The following NIN variants were observed in gnomAD, a reference collection of about 807,000 sequenced individuals.
The protein encoded by NIN is glycogen synthase kinase 3 beta-interacting protein.
In NIN, 137 loss-of-function variants were observed where a neutral mutation model predicts 257.6. The ratio of observed to expected loss-of-function variants is 0.53; its 90% CI spans 0.46 to 0.61. NIN has a LOEUF of 0.61. Ranked by LOEUF, NIN falls within the 20% of genes least tolerant of loss-of-function variation. NIN has a pLI of 0.00. For missense variants in NIN, 2,439 were observed against 2,501.2 expected (o/e 0.98, Z 0.53); for synonymous variants, 918 against 919.8 (o/e 1.00, Z 0.04).
intron 3 of NIN, among the ~76,000 whole-genome samples, chr14:50,814,263 C>A (rs923487364): frequency 7.9e-5 from 12 of 152,178 alleles, no homozygotes; most frequent in Admixed American, 7.9e-4. Context: ...CAAATCACCA[C>A]CACGCAAGAG....
chr14:50,803,664 G>C (rs544426204), intron 4 of NIN, among the ~76,000 whole-genome samples: 2 of 152,132 alleles, frequency 1.3e-5, no homozygotes, highest in African/African-American at 4.8e-5. Context: ...ATTAAGCTAC[G>C]TCCCTCTTTG....
intron 28 of NIN, among the ~76,000 whole-genome samples, chr14:50,730,317 G>A (rs1191092756): frequency 1.3e-5 from 2 of 152,134 alleles, no homozygotes; most frequent in East Asian, 3.8e-4. Flanking sequence ...TCTGGGAACT[G>A]GAGAACATGG....
At position 50,761,850 on chromosome 14, in the gene NIN, T is replaced by C; in HGVS notation, c.1836A>G (p.Glu612=). 1 of 1,614,178 alleles carries C rather than the reference T, an allele frequency of 6.2e-7. No individual in the cohort carries two copies. Among genetic ancestry groups the C allele is most frequent in the South Asian group, 1.1e-5 (1 of 91,082 alleles). The change falls in exon 16 of 31, where the codon GAA becomes GAG. Residue 612 remains glutamate (E), a synonymous_variant. Transcript: ENST00000530997. ...NMSIEAELVI[E]QMKEQHHRDI... ...CCCTGTGATGTTGTTCTTTCATCTGTTCAATGACCAGCTCTGCCTCAATGC... is the reference window on the plus strand; with the variant it reads ...CCCTGTGATGTTGTTCTTTCATCTGCTCAATGACCAGCTCTGCCTCAATGC...
chr14:50,783,539 A>G (rs1312932493), intron 5 of NIN, among the ~76,000 whole-genome samples: 1 of 151,676 alleles, frequency 6.6e-6, no homozygotes, highest in African/African-American at 2.4e-5. Context: ...CCACACAGAT[A>G]GGAGGTATTC....
chr14:50,823,969 A>G (rs1206069112), intron 2 of NIN, among the ~76,000 whole-genome samples: 1 of 152,234 alleles, frequency 6.6e-6, no homozygotes, highest in Non-Finnish European at 1.5e-5. Flanking sequence ...CTTAGAGTCC[A>G]CCAGTTAATT....
At position 50,719,854 on chromosome 14, in the gene NIN, C is replaced by T. The variant is rs1000442806; in HGVS notation, c.*3609G>A. 1.5e-5 allele frequency: 3 copies of T among 202,302 alleles called. No homozygotes were observed. Among genetic ancestry groups the T allele is most frequent in the African/African-American group, 6.9e-5 (3 of 43,624 alleles). The allele number at this position is 202,302 out of a possible 1,614,324, so 12.5% of individuals were successfully genotyped here. On this transcript the variant is annotated 3_prime_UTR_variant, in exon 31 of 31. Transcript: ENST00000530997. ...ATTATTTATTTACATCTTAAGCTCACATTAAAATCTTTCTAGGATAGAATG... is the reference window on the plus strand; with the variant it reads ...ATTATTTATTTACATCTTAAGCTCATATTAAAATCTTTCTAGGATAGAATG...
rs774024981 is a variant in NIN, at chr14:50,761,805, C to T, written c.1881G>A (p.Leu627=). ...AAGGACTTACTTTATCTTCGAGCTC[C>T]AGTCTGAGGCAACATATGTCCCTGT... ...QHHRDICCLR[L]ELEDKVRHYE... The change falls in exon 16 of 31, where the codon CTG becomes CTA. Residue 627 remains leucine (L), a synonymous_variant. Transcript: ENST00000530997. The T allele has an allele frequency of 1.2e-6, 2 of 1,614,148 alleles. No homozygotes were observed. Among genetic ancestry groups the T allele is most frequent in the Non-Finnish European group, 1.7e-6 (2 of 1,180,028 alleles).
intron 28 of NIN, chr14:50,730,900 T>A (rs887429416): frequency 2.3e-5 from 31 of 1,336,780 alleles, no homozygotes; most frequent in Non-Finnish European, 3.0e-5. Context: ...GCTATGAAAG[T>A]TCATTGAAAG....
At position 50,752,568 on chromosome 14, in the gene NIN, C is replaced by T. The variant is rs1283236797; in HGVS notation, c.4900G>A (p.Glu1634Lys). 1.9e-6 allele frequency: 3 copies of T among 1,613,932 alleles called. No individual in the cohort carries two copies. The African/African-American group carries it at 4.0e-5, about 22-fold the overall frequency. Residue 1634 changes from glutamate (E) to lysine (K), a missense_variant, in exon 21 of 31, where the codon GAA (glutamate) becomes AAA (lysine). Glu to Lys is a moderately conservative substitution (Grantham distance 56, BLOSUM62 1). Around this residue, in one of 3 missense-constraint regions of NIN, gnomAD observed 2,043 missense variants for 2,050.2 expected, o/e 1.00. Transcript: ENST00000530997. ...EPGNSALEEREQEKFNLKEEL... is the reference protein window; with the variant it reads ...EPGNSALEERKQEKFNLKEEL... ...TCTTTCAGATTAAACTTCTCTTGTT[C>T]CCGTTCCTCCAATGCACTGTTTCCT...
Position 50,757,650 on chromosome 14 carries a change from A to C in NIN, c.3380T>G (p.Leu1127Ter), listed in dbSNP as rs762081143. The C allele has an allele frequency of 6.2e-7, 1 of 1,614,178 alleles. No homozygotes were observed. Among genetic ancestry groups the C allele is most frequent in the South Asian group, 1.1e-5 (1 of 91,078 alleles). The change falls in exon 18 of 31, where the codon TTA becomes TGA. Residue 1127 changes from leucine to a stop codon, truncating the protein, a stop_gained. Coordinates refer to ENST00000530997, the MANE Select transcript of NIN (RefSeq NM_020921.4). LOFTEE classifies it high-confidence loss of function. Reference sequence around the variant, plus strand: ...TACTTGCTTCGTTCGGTTTTGCTGTAAAAACTGCTCTGTTTGTTCCGCAGT... The same window carrying C: ...TACTTGCTTCGTTCGGTTTTGCTGTCAAAACTGCTCTGTTTGTTCCGCAGT... ...GNTAEQTEQF[L>*]QQNRTKQVEG...
At chr14:50,790,562 G>A (rs1433480106) in intron 5 of NIN, among the ~76,000 whole-genome samples, 1 of 152,166 alleles carries the variant, frequency 6.6e-6, no homozygotes. Flanking sequence ...TAGCGAAGTT[G>A]AGTCAGTTGG....
intron 28 of NIN, among the ~76,000 whole-genome samples, chr14:50,730,057 CT>C (rs1380698263): frequency 2.5e-4 from 12 of 48,326 alleles, no homozygotes; most frequent in African/African-American, 2.3e-3. Flanking sequence ...TACCTCCCCC[CT>C]TTTAAAAACG....
At chr14:50,775,286 T>C (rs879807665) in intron 7 of NIN, among the ~76,000 whole-genome samples, 1 of 152,176 alleles carries the variant, frequency 6.6e-6, no homozygotes, top group Admixed American at 6.5e-5. Context: ...AGATTCGGCA[T>C]CGGGCATGCT....
chr14:50,808,570 G>C (rs951769445), intron 3 of NIN, among the ~76,000 whole-genome samples: 4 of 152,186 alleles, frequency 2.6e-5, no homozygotes, highest in Admixed American at 6.5e-5. Flanking sequence ...TGGAAAACTG[G>C]GGACATCTAA....
chr14:50,766,280 C>T (rs752155426), intron 14 of NIN, 27 bp downstream of exon 14: 1 of 1,583,608 alleles, frequency 6.3e-7, no homozygotes, highest in South Asian at 1.1e-5. Context: ...CACTCCTGCA[C>T]TTACTCAGTT....
rs546190570 is a variant in NIN at position 50,748,364 on chromosome 14, G to A, written c.4951-259C>T. Among the ~76,000 whole-genome samples, 412 of 152,238 alleles carry A rather than the reference G, an allele frequency of 2.7e-3. 3 individuals are homozygous for A. The highest frequency in any genetic ancestry group is 4.3e-3 in the Non-Finnish European group (293 of 68,004). ...GCTATTTATGACAAACCCACAGCCA[G>A]TATCATAATGGGCAAAAGCTGGAAG... On this transcript the variant is annotated intron_variant, in intron 21 of 30. Transcript: ENST00000530997.
At chr14:50,780,127 A>C (rs962991844) in intron 5 of NIN, among the ~76,000 whole-genome samples, 1 of 152,216 alleles carries the variant, frequency 6.6e-6, no homozygotes, top group African/African-American at 2.4e-5. Context: ...AGTTGCAACA[A>C]GTAGGTCCAC....
At position 50,743,344 on chromosome 14, in the gene NIN, T is replaced by C. The variant is rs951547966; in HGVS notation, c.5301+72A>G. ...CGCTACTTCTACCTGGAACACTCTTTTTACCGGGATTTCTGTTGGAAGATC... is the reference window on the plus strand; with the variant it reads ...CGCTACTTCTACCTGGAACACTCTTCTTACCGGGATTTCTGTTGGAAGATC... On this transcript the variant is annotated intron_variant, in intron 24 of 30. Coordinates refer to ENST00000530997, the MANE Select transcript of NIN (RefSeq NM_020921.4). 2.0e-5 allele frequency: 20 copies of C among 998,388 alleles called. No individual in the cohort carries two copies. The Middle Eastern group carries it at 6.2e-4, about 31-fold the overall frequency. The allele number at this position is 998,388 out of a possible 1,614,324, so 61.8% of individuals were successfully genotyped here. A position where few individuals can be genotyped will look rare whatever the true frequency, so the allele number is the denominator to read the frequency against.
At chr14:50,828,405 CATA>C (rs1402377194) in intron 2 of NIN, among the ~76,000 whole-genome samples, 1 of 152,190 alleles carries the variant, frequency 6.6e-6, no homozygotes, top group Non-Finnish European at 1.5e-5. Context: ...TTCAGAATCT[CATA>C]ATCTTTTCAA....
Sources: gnomAD v4.1 joint callset for allele counts (sites outside exome capture counted in the v4.1 genomes callset) on GRCh38, gnomAD v4.1.1 for gene constraint, gnomAD v4.1.1 regional missense constraint, MANE v1.5 for transcripts, NCBI Gene and HGNC (gene_info 2026-07-23, HGNC 2026-07-21) for gene names.